ZFHX3: variants seen among roughly 807,000 people sequenced by gnomAD.
The protein encoded by ZFHX3 is zinc finger homeobox 3.
In ZFHX3, 42 loss-of-function variants were observed where a neutral mutation model predicts 279.1. The observed-to-expected ratio is 0.15, with a 90% CI of 0.12 to 0.19. ZFHX3 has a LOEUF of 0.19. Ranked by LOEUF, ZFHX3 falls within the 10% of genes least tolerant of loss-of-function variation. The pLI, the probability that ZFHX3 is intolerant of heterozygous loss-of-function variation, is 1.00. For synonymous variants in ZFHX3, 2,293 were observed against 1,957.8 expected, an observed-to-expected ratio of 1.17 and a Z score of -4.52; for missense variants, 4,981 against 4,754.0, an observed-to-expected ratio of 1.05 and a Z score of -1.40.
chr16:73,462,555 T>C (rs2018491025), intron 2 of ZFHX3, among the ~76,000 whole-genome samples: 1 of 152,202 alleles, frequency 6.6e-6, no homozygotes, highest in Admixed American at 6.5e-5. Flanking sequence ...TAGGTTTTTG[T>C]AGATGCTCTT....
intron 2 of ZFHX3, among the ~76,000 whole-genome samples, chr16:73,494,617 A>T (rs1389880676): frequency 6.6e-6 from 1 of 152,102 alleles, no homozygotes; most frequent in Non-Finnish European, 1.5e-5. Context: ...CTGGAGTGCA[A>T]TGGTGTGATC....
intron 3 of ZFHX3, among the ~76,000 whole-genome samples, chr16:73,343,542 T>C (rs780004376): frequency 2.0e-5 from 3 of 152,106 alleles, no homozygotes; most frequent in Non-Finnish European, 1.5e-5. Flanking sequence ...CTGGGCAACA[T>C]GGCAAGACCC....
In ZFHX3 at chr16:72,958,446, C is replaced by T. The variant is rs906378888; in HGVS notation, c.1700G>A (p.Arg567Lys). The T allele has an allele frequency of 6.2e-7, 1 of 1,614,192 alleles. No individual in the cohort carries two copies. The highest frequency in any genetic ancestry group is 8.5e-7 in the Non-Finnish European group (1 of 1,180,052). ...SFVVFDGANR[R>K]NRLSFNSEGV... ...CTCACTGTTAAAGCTTAAACGATTCCTCCTGTTCGCACCATCAAAGACAAC... is the reference window on the plus strand; with the variant it reads ...CTCACTGTTAAAGCTTAAACGATTCTTCCTGTTCGCACCATCAAAGACAAC... The change falls in exon 2 of 10, where the codon AGG becomes AAG. Residue 567 changes from arginine to lysine, a missense_variant. Arg to Lys is a conservative substitution (Grantham distance 26, BLOSUM62 2). Coordinates refer to ENST00000268489, the MANE Select transcript of ZFHX3 (RefSeq NM_006885.4).
intron 2 of ZFHX3, among the ~76,000 whole-genome samples, chr16:73,478,198 G>A (rs888409438): frequency 2.0e-5 from 3 of 151,148 alleles, no homozygotes; most frequent in South Asian, 2.1e-4. Context: ...TCCAGGAGGC[G>A]GAGGTGGCAG....
At chr16:72,952,734 T>C (rs1961055259) in intron 2 of ZFHX3, among the ~76,000 whole-genome samples, 1 of 152,214 alleles carries the variant, frequency 6.6e-6, no homozygotes, top group South Asian at 2.1e-4. Context: ...CTGCCCTGCA[T>C]AAACCGGGTA....
At chr16:73,197,741 C>G (rs891260661) in intron 5 of ZFHX3, among the ~76,000 whole-genome samples, 6 of 152,098 alleles carry the variant, frequency 3.9e-5, no homozygotes, top group Non-Finnish European at 1.5e-5. Context: ...TATCACAAAC[C>G]TTACTTGACA....
intron 1 of ZFHX3, among the ~76,000 whole-genome samples, chr16:73,055,698 G>GCACACACACA (rs71156135): frequency 1.8e-5 from 2 of 109,492 alleles, no homozygotes; most frequent in African/African-American, 2.9e-5. Flanking sequence ...GCGCGCGCGC[G>GCACACACACA]CACACACACA....
chr16:73,709,066 G>A (rs530938961), intron 1 of ZFHX3, among the ~76,000 whole-genome samples: 2 of 152,056 alleles, frequency 1.3e-5, no homozygotes, highest in African/African-American at 4.8e-5. Context: ...TCTCCACAAG[G>A]TTGTTTTGGG....
intron 8 of ZFHX3, among the ~76,000 whole-genome samples, chr16:73,068,268 C>T (rs2144751900): frequency 6.6e-6 from 1 of 152,296 alleles, no homozygotes. Flanking sequence ...ACACCAGTTG[C>T]CTCTCATCAA....
At chr16:73,111,984 C>T (rs551485146) in intron 7 of ZFHX3, among the ~76,000 whole-genome samples, 2 of 152,108 alleles carry the variant, frequency 1.3e-5, no homozygotes, top group Admixed American at 1.3e-4. Flanking sequence ...TACCAAGAAT[C>T]GCTTTAGAGG....
intron 2 of ZFHX3, among the ~76,000 whole-genome samples, chr16:73,611,780 GT>G (rs1401741602): frequency 2.0e-4 from 30 of 152,132 alleles, no homozygotes; most frequent in African/African-American, 7.2e-4. Flanking sequence ...ATAATTTATA[GT>G]TGTTTCTGCA....
chr16:72,913,762 CTT>C (rs1040953867), intron 3 of ZFHX3, among the ~76,000 whole-genome samples: 1 of 152,218 alleles, frequency 6.6e-6, no homozygotes, highest in Non-Finnish European at 1.5e-5. Flanking sequence ...ATAAACTTCT[CTT>C]TATGCAAACA....
At chr16:73,229,988 GAATA>G (rs1351764857) in intron 5 of ZFHX3, among the ~76,000 whole-genome samples, 2 of 152,152 alleles carry the variant, frequency 1.3e-5, no homozygotes, top group African/African-American at 4.8e-5. Flanking sequence ...ATGGATTAAT[GAATA>G]GATAGAAAAG....
intron 1 of ZFHX3, among the ~76,000 whole-genome samples, chr16:73,820,185 G>A (rs567505174): frequency 1.3e-5 from 2 of 152,254 alleles, no homozygotes; most frequent in East Asian, 1.9e-4. Flanking sequence ...TGCCTCCTGG[G>A]TTCATGCCAT....
At chr16:73,583,924 A>G (rs1244195307) in intron 2 of ZFHX3, among the ~76,000 whole-genome samples, 18 of 152,210 alleles carry the variant, frequency 1.2e-4, no homozygotes, top group Non-Finnish European at 2.6e-4. Flanking sequence ...AATAAAAAGA[A>G]TAGGAAAAAA....
chr16:73,165,117 C>T (rs959197843), intron 5 of ZFHX3, among the ~76,000 whole-genome samples: 3 of 152,178 alleles, frequency 2.0e-5, no homozygotes, highest in Non-Finnish European at 4.4e-5. Context: ...ATTTAGAAAG[C>T]TGTGAACATG....
intron 3 of ZFHX3, among the ~76,000 whole-genome samples, chr16:73,385,573 T>C (rs1206662361): frequency 1.3e-5 from 2 of 152,024 alleles, no homozygotes; most frequent in Non-Finnish European, 2.9e-5. Context: ...CTGCTACGAG[T>C]CAACTGAGCA....
chr16:73,487,333 C>T (rs1006491317), intron 2 of ZFHX3: 5 of 340,572 alleles, frequency 1.5e-5, no homozygotes, highest in African/African-American at 4.3e-5. Flanking sequence ...GTCTTCTGAA[C>T]CCATCTCAGG....
At chr16:72,887,151 G>C (rs1027765890) in intron 4 of ZFHX3, among the ~76,000 whole-genome samples, 5 of 152,154 alleles carry the variant, frequency 3.3e-5, no homozygotes, top group African/African-American at 1.2e-4. Context: ...TTTATATGAG[G>C]AGGCAGCGAA....
Sources: allele counts gnomAD v4.1 joint callset (sites outside exome capture counted in the v4.1 genomes callset), GRCh38; gene constraint gnomAD v4.1.1; transcripts MANE v1.5; gene names NCBI Gene and HGNC (gene_info 2026-07-23, HGNC 2026-07-21).